The following XKR4 variants were observed in gnomAD, a reference collection of about 807,000 sequenced individuals.
XKR4 encodes the protein XK-related protein 4.
A neutral mutation model predicts 53.9 loss-of-function variants in XKR4; 12 were observed. That is an observed-to-expected ratio of 0.22 (90% CI 0.14 to 0.36). XKR4 has a LOEUF of 0.36. Among genes scored for constraint, XKR4 ranks in the 10% least tolerant of loss-of-function variants. The pLI is 1.00. For synonymous variants in XKR4, 354 were observed against 362.4 expected (o/e 0.98, Z 0.26); for missense variants, 799 against 859.5 (o/e 0.93, Z 0.88).
chr8:55,524,392 C>T lies in XKR4; in HGVS notation c.*165C>T. ...CCTGTCGGCTGGGGGCGGCTGGTCT[C>T]CTTCCAAAGCAGCTGCACCCGAGAG... is the stretch of plus-strand genomic sequence containing the variant. On this transcript the variant is annotated 3_prime_UTR_variant, in exon 3 of 3. Coordinates refer to ENST00000327381, the MANE Select transcript of XKR4 (RefSeq NM_052898.2). 1 of 695,066 alleles carries T rather than the reference C, an allele frequency of 1.4e-6. No individual in the cohort carries two copies. Among genetic ancestry groups the T allele is most frequent in the South Asian group, 2.0e-5 (1 of 50,698 alleles). 43.1% of individuals were successfully genotyped at this position (695,066 alleles called of 1,614,324 possible).
chr8:55,306,318 C>CA (rs1445153144), intron 1 of XKR4, among the ~76,000 whole-genome samples: 8 of 151,908 alleles, frequency 5.3e-5, no homozygotes, highest in African/African-American at 1.9e-4. Flanking sequence ...AGAGACACAG[C>CA]AAAAAAGGTC....
chr8:55,505,742 A>G (rs1806517540), intron 2 of XKR4, among the ~76,000 whole-genome samples: 2 of 152,178 alleles, frequency 1.3e-5, no homozygotes, highest in Admixed American at 6.5e-5. Context: ...TGTATGGTCT[A>G]TCCTGGAGAA....
chr8:55,396,571 G>T (rs562173201), intron 2 of XKR4, among the ~76,000 whole-genome samples: 5 of 152,120 alleles, frequency 3.3e-5, no homozygotes, highest in South Asian at 2.1e-4. Context: ...CTGAAGAAAA[G>T]TTCCATCTAT....
intron 2 of XKR4, chr8:55,451,232 A>C (rs1270585431): frequency 1.8e-6 from 1 of 568,996 alleles, no homozygotes; most frequent in East Asian, 3.0e-5. Flanking sequence ...CCACATTGGC[A>C]CCAAGCCCAC....
intron 1 of XKR4, among the ~76,000 whole-genome samples, chr8:55,206,196 G>C (rs1027477027): frequency 3.9e-5 from 6 of 152,196 alleles, no homozygotes; most frequent in Non-Finnish European, 8.8e-5. Context: ...CCATGGAAGG[G>C]GGCCGGAGCG....
intron 1 of XKR4, among the ~76,000 whole-genome samples, chr8:55,279,623 G>A (rs1818808831): frequency 6.6e-6 from 1 of 152,166 alleles, no homozygotes; most frequent in Non-Finnish European, 1.5e-5. Flanking sequence ...AGCTTCCTCT[G>A]AATCAAGAGC....
At chr8:55,228,600 G>A (rs1817989478) in intron 1 of XKR4, among the ~76,000 whole-genome samples, 1 of 152,062 alleles carries the variant, frequency 6.6e-6, no homozygotes, top group South Asian at 2.1e-4. Context: ...TCAATGTAAT[G>A]TTACTATTTG....
At chr8:55,182,242 C>T (rs974299360) in intron 1 of XKR4, among the ~76,000 whole-genome samples, 1 of 151,968 alleles carries the variant, frequency 6.6e-6, no homozygotes, top group African/African-American at 2.4e-5. Flanking sequence ...TTCTCTTTCA[C>T]AGAGGAAAAG....
chr8:55,259,523 A>G (rs1406547939), intron 1 of XKR4, among the ~76,000 whole-genome samples: 1 of 151,782 alleles, frequency 6.6e-6, no homozygotes, highest in African/African-American at 2.4e-5. Flanking sequence ...GTTGTAACTG[A>G]CTCCAGAGCC....
intron 2 of XKR4, chr8:55,450,413 C>G: frequency 1.7e-6 from 1 of 578,832 alleles, no homozygotes; most frequent in East Asian, 3.4e-5. Flanking sequence ...TGGAACATGG[C>G]TGTCCTCTTG....
intron 1 of XKR4, among the ~76,000 whole-genome samples, chr8:55,200,360 G>A (rs760665778): frequency 3.3e-5 from 5 of 152,172 alleles, no homozygotes; most frequent in Non-Finnish European, 5.9e-5. Context: ...GAGCCACTGC[G>A]CCCGGCCAGT....
intron 2 of XKR4, chr8:55,453,859 C>A: frequency 1.9e-6 from 1 of 533,826 alleles, no homozygotes; most frequent in Non-Finnish European, 3.6e-6. Flanking sequence ...GCTCATCAAA[C>A]AGGTCCGTGG....
chr8:55,335,300 T>C (rs1425120861), intron 1 of XKR4, among the ~76,000 whole-genome samples: 2 of 152,180 alleles, frequency 1.3e-5, no homozygotes, highest in African/African-American at 4.8e-5. Context: ...AAATGACTTA[T>C]TATAGAATTA....
chr8:55,110,686 G>T (rs1816219029), intron 1 of XKR4, among the ~76,000 whole-genome samples: 1 of 152,118 alleles, frequency 6.6e-6, no homozygotes, highest in South Asian at 2.1e-4. Context: ...TTGTATTCCT[G>T]GTTTTGCTGA....
chr8:55,240,726 A>G (rs1818199249), intron 1 of XKR4, among the ~76,000 whole-genome samples: 1 of 152,142 alleles, frequency 6.6e-6, no homozygotes, highest in African/African-American at 2.4e-5. Flanking sequence ...AAGAGAGAGA[A>G]AGAGCTTTTC....
At chr8:55,151,552 AT>A (rs1816840062) in intron 1 of XKR4, among the ~76,000 whole-genome samples, 2 of 152,230 alleles carry the variant, frequency 1.3e-5, no homozygotes, top group South Asian at 2.1e-4. Context: ...GATTATCATA[AT>A]CTATTATAGT....
chr8:55,475,015 A>G (rs1207413944), intron 2 of XKR4, among the ~76,000 whole-genome samples: 1 of 152,194 alleles, frequency 6.6e-6, no homozygotes, highest in Non-Finnish European at 1.5e-5. Context: ...TTGGAGAGAC[A>G]AAATATACTG....
chr8:55,209,203 ATGTGTGTGTG>A (rs77094773), intron 1 of XKR4, among the ~76,000 whole-genome samples: 1 of 149,320 alleles, frequency 6.7e-6, no homozygotes, highest in South Asian at 2.1e-4. Flanking sequence ...CAGTGTGTTT[ATGTGTGTGTG>A]TGTGTGTGTG....
intron 2 of XKR4, among the ~76,000 whole-genome samples, chr8:55,498,044 GC>G (rs1806381808): frequency 6.6e-6 from 1 of 152,202 alleles, no homozygotes; most frequent in Admixed American, 6.5e-5. Flanking sequence ...GCAGGGCCTG[GC>G]TTTGCAGGGC....
Sources: allele counts gnomAD v4.1 joint callset (sites outside exome capture counted in the v4.1 genomes callset), GRCh38; gene constraint gnomAD v4.1.1; transcripts MANE v1.5; gene names NCBI Gene and HGNC (gene_info 2026-07-23, HGNC 2026-07-21).